The following HDX variants were observed in gnomAD, a reference collection of about 807,000 sequenced individuals.
HDX encodes the protein highly divergent homeobox, also known as chromosome X open reading frame 43.
Under a neutral mutation model 45.2 loss-of-function variants are expected in HDX, and 19 were observed. The observed-to-expected ratio is 0.42, with a 90% CI of 0.29 to 0.62. HDX has a LOEUF of 0.62. HDX is among the 20% of genes least tolerant of loss of function. The pLI is 0.20. For missense variants in HDX, 532 were observed against 493.9 expected (o/e 1.08, Z -0.73); for synonymous variants, 188 against 172.8 (o/e 1.09, Z -0.69).
At chrX:84,377,947 A>C (rs1236243443) in intron 5 of HDX, among the ~76,000 whole-genome samples, 1 of 111,591 alleles carries the variant, frequency 9.0e-6, no homozygotes, top group Non-Finnish European at 1.9e-5. Flanking sequence ...AGACTACCTC[A>C]AGGCATTTAC....
At chrX:84,469,865 C>T (rs865953205) in intron 3 of HDX, among the ~76,000 whole-genome samples, 1 of 111,637 alleles carries the variant, frequency 9.0e-6, no homozygotes, top group Middle Eastern at 4.8e-3. Flanking sequence ...TGTTTATACA[C>T]TTTGACATAG....
At chrX:84,414,719 A>G (rs1207063506) in intron 5 of HDX, among the ~76,000 whole-genome samples, 1 of 111,713 alleles carries the variant, frequency 9.0e-6, no homozygotes, top group Non-Finnish European at 1.9e-5. Context: ...GTTCTAATCC[A>G]CATTCAATCA....
At chrX:84,347,661 G>A (rs2037237676) in intron 6 of HDX, among the ~76,000 whole-genome samples, 1 of 111,341 alleles carries the variant, frequency 9.0e-6, no homozygotes, top group African/African-American at 3.3e-5. Flanking sequence ...ATTTTTGTCT[G>A]AAAAAGTCTA....
At chrX:84,374,560 A>AGATAT (rs201566143) in intron 5 of HDX, among the ~76,000 whole-genome samples, 5 of 92,544 alleles carry the variant, frequency 5.4e-5, no homozygotes, top group Non-Finnish European at 6.4e-5. Context: ...ACCAAAACAG[A>AGATAT]ACAGAACAGA....
In HDX at chrX:84,359,013, A is replaced by AG. The variant is rs1212523622; in HGVS notation, c.1452+2452dup. Among the ~76,000 whole-genome samples, 4 of 111,090 alleles carry AG rather than the reference A, an allele frequency of 3.6e-5. No homozygotes were observed. The Admixed American group carries it at 3.8e-4, about 11-fold the overall frequency. On this transcript the variant is annotated intron_variant, in intron 6 of 10. Transcript: ENST00000373177. ...AGTGAGACATGGAATCAGCTGTGGTAGGAATCTTTACACCACGGAAATCAG... is the reference window on the plus strand; with the variant it reads ...AGTGAGACATGGAATCAGCTGTGGTAGGGAATCTTTACACCACGGAAATCAG...
intron 5 of HDX, among the ~76,000 whole-genome samples, chrX:84,365,044 T>C (rs74499477): frequency 9.0e-6 from 1 of 111,643 alleles, no homozygotes; most frequent in African/African-American, 3.3e-5. Flanking sequence ...TTGGCTATTG[T>C]GAATAATGCT....
At chrX:84,406,866 A>G (rs5968311) in intron 5 of HDX, among the ~76,000 whole-genome samples, 1,454 of 111,243 alleles carry the variant, frequency 0.013, 22 homozygotes, top group African/African-American at 0.044. Flanking sequence ...ACTAAAAATT[A>G]AATGTCATTA....
intron 5 of HDX, among the ~76,000 whole-genome samples, chrX:84,424,409 G>A (rs1398180309): frequency 4.6e-5 from 5 of 108,972 alleles, no homozygotes; most frequent in Non-Finnish European, 7.6e-5. Context: ...GATTCAATGC[G>A]ATCCCATTCA....
intron 1 of HDX, among the ~76,000 whole-genome samples, chrX:84,501,858 C>A (rs2041126083): frequency 9.0e-6 from 1 of 110,872 alleles, no homozygotes; most frequent in Non-Finnish European, 1.9e-5. Flanking sequence ...CCTGTGCAAA[C>A]TCCACGCCTA....
intron 5 of HDX, among the ~76,000 whole-genome samples, chrX:84,371,559 T>C (rs2037894442): frequency 8.9e-6 from 1 of 111,868 alleles, no homozygotes; most frequent in Non-Finnish European, 1.9e-5. Context: ...GTGAAGGGCA[T>C]CTCGTGCTGG....
In HDX at chrX:84,455,094, C is replaced by G. The variant is rs1325276765; in HGVS notation, c.1251+13378G>C. Reference sequence around the variant, plus strand: ...TCCTTTGAATACTTGAAAAGCCTTCCCAGAAAGGACAGGTACAAACAAGCC... The same window carrying G: ...TCCTTTGAATACTTGAAAAGCCTTCGCAGAAAGGACAGGTACAAACAAGCC... On this transcript the variant is annotated intron_variant, in intron 4 of 10. Coordinates refer to ENST00000373177, the MANE Select transcript of HDX (RefSeq NM_001177479.2). 6.3e-5 allele frequency among the ~76,000 whole-genome samples: 7 copies of G among 110,946 alleles called. No homozygotes were observed. The East Asian group carries it at 2.0e-3, about 31-fold the overall frequency.
intron 5 of HDX, among the ~76,000 whole-genome samples, chrX:84,416,815 T>C (rs2039113568): frequency 9.0e-6 from 1 of 111,539 alleles, no homozygotes; most frequent in Non-Finnish European, 1.9e-5. Context: ...ATATAAAAAA[T>C]TATTAATAAG....
chrX:84,355,314 C>T (rs1046382027), intron 6 of HDX, among the ~76,000 whole-genome samples: 1 of 110,845 alleles, frequency 9.0e-6, no homozygotes, highest in African/African-American at 3.3e-5. Flanking sequence ...ATGGAAAGGA[C>T]AGGCATTAAA....
At chrX:84,497,519 T>G (rs983394507) in intron 1 of HDX, among the ~76,000 whole-genome samples, 1 of 111,433 alleles carries the variant, frequency 9.0e-6, no homozygotes, top group Admixed American at 9.6e-5. Context: ...TTTATGTGCC[T>G]TCTGCCAGTG....
chrX:84,493,091 A>T (rs2040925162), intron 1 of HDX, among the ~76,000 whole-genome samples: 2 of 110,862 alleles, frequency 1.8e-5, no homozygotes, highest in Admixed American at 1.9e-4. Context: ...TTTGTATTTT[A>T]GTAGAGATGG....
intron 3 of HDX, among the ~76,000 whole-genome samples, chrX:84,473,775 GA>G (rs904467920): frequency 6.4e-5 from 5 of 78,257 alleles, no homozygotes; most frequent in Non-Finnish European, 7.8e-5. Context: ...CAAGAAAAAA[GA>G]AAAAAAAAAG....
At position 84,439,647 on chromosome X, in the gene HDX, G is replaced by A. The variant is rs780231494; in HGVS notation, c.1305+885C>T. On this transcript the variant is annotated intron_variant, in intron 5 of 10. Coordinates refer to ENST00000373177, the MANE Select transcript of HDX (RefSeq NM_001177479.2). ...GCTAGTTATTCCAGTGTCATTTATC[G>A]AACAAGGAGTCCTTTCCTTATTTAT... is the stretch of plus-strand genomic sequence containing the variant. Among the ~76,000 whole-genome samples the A allele has an allele frequency of 9.0e-5, 10 of 110,979 alleles. No individual in the cohort carries two copies. In the East Asian group the frequency reaches 1.7e-3, roughly 19 times the overall value.
At chrX:84,404,431 A>G (rs774560453) in intron 5 of HDX, among the ~76,000 whole-genome samples, 1 of 111,536 alleles carries the variant, frequency 9.0e-6, no homozygotes, top group African/African-American at 3.2e-5. Flanking sequence ...AAATCACTAA[A>G]TGAATTTTTG....
At chrX:84,453,286 C>T (rs765607820) in intron 4 of HDX, among the ~76,000 whole-genome samples, 6 of 112,171 alleles carry the variant, frequency 5.3e-5, no homozygotes, top group Non-Finnish European at 1.1e-4. Context: ...CAGTACTTGG[C>T]TTTAACTTAA....
Sources: gnomAD v4.1 joint callset for allele counts (sites outside exome capture counted in the v4.1 genomes callset) on GRCh38, gnomAD v4.1.1 for gene constraint, MANE v1.5 for transcripts, NCBI Gene and HGNC (gene_info 2026-07-23, HGNC 2026-07-21) for gene names.